Variants in SLC17A1 observed in about 807,000 individuals in gnomAD.
SLC17A1 encodes the protein sodium-dependent phosphate transport protein 1.
SLC17A1 carries 51 observed loss-of-function variants against 53.5 expected under a neutral mutation model. The ratio of observed to expected loss-of-function variants is 0.95; its 90% CI spans 0.76 to 1.20. The LOEUF (loss-of-function observed/expected upper bound fraction) is 1.20, where lower values mean the gene tolerates loss of function less well. Ranked by LOEUF, SLC17A1 falls within the 50% of genes most tolerant of loss-of-function variation. The pLI, the probability that SLC17A1 is intolerant of heterozygous loss-of-function variation, is 0.00. For missense variants in SLC17A1, 538 were observed against 568.2 expected (o/e 0.95, Z 0.54); for synonymous variants, 179 against 198.8 (o/e 0.90, Z 0.84).
chr6:25,763,927 G>T, the SLC17A1 span, among the ~76,000 whole-genome samples: 1 of 152,300 alleles, frequency 6.6e-6, no homozygotes, highest in Non-Finnish European at 1.5e-5. Flanking sequence ...TTTCTGAGAA[G>T]AAAGAAGATT....
At chr6:25,745,559 C>T in the SLC17A1 span, among the ~76,000 whole-genome samples, 1 of 152,128 alleles carries the variant, frequency 6.6e-6, no homozygotes, top group African/African-American at 2.4e-5. Context: ...GTGGGTAAGG[C>T]CAGATCATGG....
chr6:25,828,600 G>C (rs9467619), intron 2 of SLC17A1, among the ~76,000 whole-genome samples: 2 of 151,296 alleles, frequency 1.3e-5, no homozygotes, highest in Non-Finnish European at 3.0e-5. Context: ...TCTTAGATTT[G>C]TTTTGTTCTG....
intron 3 of SLC17A1, among the ~76,000 whole-genome samples, chr6:25,823,735 CTTG>C (rs1764644310): frequency 6.6e-6 from 1 of 151,818 alleles, no homozygotes; most frequent in African/African-American, 2.4e-5. Context: ...CTGTCACTGG[CTTG>C]TTTTTTCATT....
At chr6:25,793,290 A>T (rs1464263649) in intron 12 of SLC17A1, among the ~76,000 whole-genome samples, 1 of 152,190 alleles carries the variant, frequency 6.6e-6, no homozygotes, top group Non-Finnish European at 1.5e-5. Flanking sequence ...TCTGATATTC[A>T]TTCAGACAGT....
chr6:25,815,026 C>A (rs1378220966), intron 6 of SLC17A1, among the ~76,000 whole-genome samples: 1 of 142,864 alleles, frequency 7.0e-6, no homozygotes, highest in Admixed American at 7.1e-5. Context: ...CACACACACA[C>A]ACACAAAGAA....
At chr6:25,767,898 T>G in the SLC17A1 span, among the ~76,000 whole-genome samples, 15 of 152,310 alleles carry the variant, frequency 9.8e-5, no homozygotes, top group Non-Finnish European at 1.8e-4. Flanking sequence ...AGCTGATGAA[T>G]ATGATAGGAA....
chr6:25,790,187 T>A (rs1031890807), intron 12 of SLC17A1, among the ~76,000 whole-genome samples: 2 of 152,228 alleles, frequency 1.3e-5, no homozygotes, highest in Non-Finnish European at 2.9e-5. Flanking sequence ...ATGGTTATAA[T>A]GTTAACAATA....
At chr6:25,825,373 A>G in intron 3 of SLC17A1, among the ~76,000 whole-genome samples, 1 of 152,000 alleles carries the variant, frequency 6.6e-6, no homozygotes, top group East Asian at 1.9e-4. Flanking sequence ...ACAGCTTGAA[A>G]TTTTACAGTC....
At chr6:25,732,189 T>G in the SLC17A1 span, 1 of 381,944 alleles carries the variant, frequency 2.6e-6, no homozygotes, top group Non-Finnish European at 4.8e-6. Flanking sequence ...CACAGGGAGA[T>G]CACTAACTGA....
chr6:25,815,149 GAAAT>G (rs1168478549), intron 6 of SLC17A1, among the ~76,000 whole-genome samples: 3 of 135,036 alleles, frequency 2.2e-5, no homozygotes, highest in Admixed American at 8.0e-5. Context: ...AAGAAAGAAA[GAAAT>G]AGAGAAAGAG....
chr6:25,737,165 T>G, the SLC17A1 span, among the ~76,000 whole-genome samples: 1 of 152,220 alleles, frequency 6.6e-6, no homozygotes, highest in Non-Finnish European at 1.5e-5. Flanking sequence ...CAGCCATTAT[T>G]CTATAGGTGA....
At chr6:25,726,001 C>G in the SLC17A1 span, 2 of 802,232 alleles carry the variant, frequency 2.5e-6, no homozygotes, top group South Asian at 5.0e-5. Flanking sequence ...TTGTGACAGG[C>G]AAGTAAGATG....
chr6:25,766,803 T>C, the SLC17A1 span, among the ~76,000 whole-genome samples: 1 of 152,214 alleles, frequency 6.6e-6, no homozygotes, highest in Non-Finnish European at 1.5e-5. Flanking sequence ...GACTACAAAG[T>C]ATTTAGAATA....
At chr6:25,784,914 G>A (rs1763347911) in intron 12 of SLC17A1, among the ~76,000 whole-genome samples, 1 of 152,084 alleles carries the variant, frequency 6.6e-6, no homozygotes, top group Admixed American at 6.6e-5. Flanking sequence ...TCTATACAGG[G>A]CAATTAGGCA....
At chr6:25,756,848 AAG>A in the SLC17A1 span, among the ~76,000 whole-genome samples, 1 of 152,204 alleles carries the variant, frequency 6.6e-6, no homozygotes, top group African/African-American at 2.4e-5. Context: ...GGAACACTCG[AAG>A]AGTCTGTGTG....
At chr6:25,825,986 C>A (rs1764726163) in intron 3 of SLC17A1, among the ~76,000 whole-genome samples, 1 of 151,948 alleles carries the variant, frequency 6.6e-6, no homozygotes, top group African/African-American at 2.4e-5. Flanking sequence ...CTTTTTCATT[C>A]TTTTTATAGT....
At chr6:25,775,581 G>T in the SLC17A1 span, among the ~76,000 whole-genome samples, 2 of 151,852 alleles carry the variant, frequency 1.3e-5, no homozygotes, top group Non-Finnish European at 2.9e-5. Flanking sequence ...GACCACAGGC[G>T]TGTACCACCA....
intron 12 of SLC17A1, among the ~76,000 whole-genome samples, chr6:25,790,128 A>T (rs28360585): frequency 0.19 from 28,166 of 152,074 alleles, 3,614 homozygotes; most frequent in African/African-American, 0.37. Flanking sequence ...GAGATAAAAA[A>T]TAGAATTGCA....
At chr6:25,753,504 C>T in the SLC17A1 span, among the ~76,000 whole-genome samples, 26 of 151,698 alleles carry the variant, frequency 1.7e-4, no homozygotes, top group Non-Finnish European at 3.1e-4. Context: ...CAGTGGGGCC[C>T]GGTAAATAAT....
Sources: allele counts gnomAD v4.1 joint callset (sites outside exome capture counted in the v4.1 genomes callset), GRCh38; gene constraint gnomAD v4.1.1; transcripts MANE v1.5; gene names NCBI Gene and HGNC (gene_info 2026-07-23, HGNC 2026-07-21).